Variants in MAP3K9 observed in about 807,000 individuals in gnomAD.
MAP3K9 encodes the protein mixed lineage kinase 1 (tyr and ser/thr specificity).
Under a neutral mutation model 95.8 loss-of-function variants are expected in MAP3K9, and 46 were observed. That is an observed-to-expected ratio of 0.48 (90% confidence interval 0.38 to 0.61). The LOEUF is 0.61. Ranked by LOEUF, MAP3K9 falls within the 20% of genes least tolerant of loss-of-function variation. The probability of loss-of-function intolerance (pLI) is 0.00; values close to 1 mark genes in which losing one functional copy is unlikely to be tolerated. For synonymous variants in MAP3K9, 533 were observed against 593.8 expected, an observed-to-expected ratio of 0.90 and a Z score of 1.49; for missense variants, 1,296 against 1,474.3, an observed-to-expected ratio of 0.88 and a Z score of 1.98.
At chr14:70,742,629 G>T in intron 5 of MAP3K9, 38 bp from the exon 6 acceptor site, 4 of 1,604,270 alleles carry the variant, frequency 2.5e-6, no homozygotes, top group Non-Finnish European at 3.4e-6. Context: ...AAAGACTGGG[G>T]TGCTCAGTGC....
At chr14:70,793,144 G>A (rs1036639968) in intron 2 of MAP3K9, among the ~76,000 whole-genome samples, 13 of 152,196 alleles carry the variant, frequency 8.5e-5, no homozygotes, top group Non-Finnish European at 1.6e-4. Context: ...GAGTAGACCC[G>A]ACAGCACCGG....
chr14:70,798,713 C>T (rs1377103640), intron 2 of MAP3K9, among the ~76,000 whole-genome samples: 3 of 151,784 alleles, frequency 2.0e-5, no homozygotes, highest in East Asian at 3.9e-4. Flanking sequence ...CTCCTGACCT[C>T]GTGATCCGCC....
chr14:70,733,652 G>A, intron 10 of MAP3K9: 2 of 707,966 alleles, frequency 2.8e-6, no homozygotes. Context: ...ACTGGACTGA[G>A]GGATGCCTGC....
Position 70,729,014 on chromosome 14 carries a change from A to G in MAP3K9, c.*1366T>C, listed in dbSNP as rs1441809542. 1 of 152,302 alleles carries G rather than the reference A, an allele frequency of 6.6e-6. No individual in the cohort carries two copies. The highest frequency in any genetic ancestry group is 1.5e-5 in the Non-Finnish European group (1 of 68,078). The allele number at this position is 152,302 out of a possible 1,614,324, so 9.4% of individuals were successfully genotyped here. ...ACGAGAAAGCTTTAGAGGAAGCTCA[A>G]CATTCAAGTTAAGGAAACAACTTCC... On this transcript the variant is annotated 3_prime_UTR_variant, in exon 12 of 12. Transcript: ENST00000554752.
intron 2 of MAP3K9, 71 bp downstream of exon 2, chr14:70,800,596 A>C: frequency 3.4e-6 from 5 of 1,489,928 alleles, no homozygotes; most frequent in Non-Finnish European, 3.7e-6. Context: ...TTAGAAGTCC[A>C]CTCCTACTGA....
At chr14:70,766,328 T>C (rs1220466503) in intron 2 of MAP3K9, among the ~76,000 whole-genome samples, 1 of 152,050 alleles carries the variant, frequency 6.6e-6, no homozygotes, top group African/African-American at 2.4e-5. Context: ...GGGATAAAGA[T>C]TAAAGGCGAT....
chr14:70,803,171 C>T (rs1328387242), intron 1 of MAP3K9, among the ~76,000 whole-genome samples: 1 of 151,860 alleles, frequency 6.6e-6, no homozygotes, highest in African/African-American at 2.4e-5. Context: ...GAGGCCTCAC[C>T]AGAGCCAAGC....
chr14:70,782,142 C>T (rs986942915), intron 2 of MAP3K9, among the ~76,000 whole-genome samples: 6 of 152,164 alleles, frequency 3.9e-5, no homozygotes, highest in East Asian at 1.9e-4. Flanking sequence ...TATCTTGACA[C>T]GCTGCCCCCT....
chr14:70,808,675 T>A, intron 1 of MAP3K9, 91 bp downstream of exon 1: 2 of 103,936 alleles, frequency 1.9e-5, no homozygotes, highest in African/African-American at 4.7e-5. Flanking sequence ...CCCGCCCTCA[T>A]CCCAGCCCTC....
intron 2 of MAP3K9, among the ~76,000 whole-genome samples, chr14:70,796,347 G>A (rs1027423451): frequency 6.6e-6 from 1 of 152,210 alleles, no homozygotes; most frequent in Non-Finnish European, 1.5e-5. Context: ...GTATAAACCA[G>A]TAGTTAAGCC....
intron 2 of MAP3K9, among the ~76,000 whole-genome samples, chr14:70,763,908 G>A (rs538148851): frequency 4.6e-5 from 7 of 152,028 alleles, no homozygotes; most frequent in Non-Finnish European, 7.4e-5. Context: ...CTGTCAGGCC[G>A]GGCGCGGTGG....
intron 8 of MAP3K9, 103 bp from the exon 9 acceptor site, chr14:70,736,132 G>A (rs1040975421): frequency 2.6e-6 from 2 of 779,252 alleles, no homozygotes; most frequent in African/African-American, 1.7e-5. Context: ...CACATCGCCA[G>A]CTGCCTTCCC....
intron 7 of MAP3K9, 103 bp from the exon 8 acceptor site, chr14:70,738,501 G>A (rs2054018223): frequency 2.8e-6 from 3 of 1,080,330 alleles, no homozygotes; most frequent in South Asian, 1.6e-5. Flanking sequence ...TGGAGCTGCA[G>A]GGAAGTTAGA....
intron 6 of MAP3K9, 94 bp downstream of exon 6, chr14:70,742,256 CA>C: frequency 6.7e-7 from 1 of 1,498,396 alleles, no homozygotes; most frequent in Non-Finnish European, 9.0e-7. Flanking sequence ...CCCAGGGTGT[CA>C]TGTTTCCAAG....
chr14:70,734,504 T>C lies in MAP3K9; in HGVS notation c.1914-6A>G, dbSNP rs751852241. The stretch of plus-strand genomic sequence containing the variant: ...CATCTACCAGGGACTTGAGGCTGAA[T>C]CAGAGGAAAAGAGGAAACTGTCAGA... On this transcript the variant is annotated splice_region_variant and splice_polypyrimidine_tract_variant and intron_variant, in intron 9 of 11. Transcript: ENST00000554752. 58 of 1,548,028 alleles carry C rather than the reference T, an allele frequency of 3.7e-5. 1 individual carries two copies. The South Asian group carries it at 5.7e-4, about 15-fold the overall frequency.
At chr14:70,796,863 C>A (rs1232229086) in intron 2 of MAP3K9, among the ~76,000 whole-genome samples, 1 of 152,156 alleles carries the variant, frequency 6.6e-6, no homozygotes, top group East Asian at 1.9e-4. Context: ...TATGGAGCTG[C>A]CCTAAAATCC....
intron 3 of MAP3K9, among the ~76,000 whole-genome samples, chr14:70,750,519 C>T (rs1566740848): frequency 6.6e-6 from 1 of 152,128 alleles, no homozygotes; most frequent in South Asian, 2.1e-4. Context: ...GAGTTTCGCT[C>T]GGTTGCTCAG....
At chr14:70,749,785 C>T in intron 4 of MAP3K9, 148 bp downstream of exon 4, 1 of 880,368 alleles carries the variant, frequency 1.1e-6, no homozygotes, top group Non-Finnish European at 1.7e-6. Context: ...TTGAAGAAGC[C>T]TTTCCAGTTG....
Position 70,784,595 on chromosome 14 carries a change from T to C in MAP3K9, c.820+16072A>G, listed in dbSNP as rs1480917856. ...CCATCTCTACTGAAAATACAAAAATTAGCCAGGTGTGGTGGCAGGCGTCAG... is the reference window on the plus strand; with the variant it reads ...CCATCTCTACTGAAAATACAAAAATCAGCCAGGTGTGGTGGCAGGCGTCAG... On this transcript the variant is annotated intron_variant, in intron 2 of 11. Transcript: ENST00000554752. Among the ~76,000 whole-genome samples the C allele has an allele frequency of 2.6e-5, 4 of 152,076 alleles. No homozygotes were observed. The East Asian group carries it at 5.8e-4, about 22-fold the overall frequency.
Sources: gnomAD v4.1 joint callset for allele counts (sites outside exome capture counted in the v4.1 genomes callset) on GRCh38, gnomAD v4.1.1 for gene constraint, MANE v1.5 for transcripts, NCBI Gene and HGNC (gene_info 2026-07-23, HGNC 2026-07-21) for gene names.